Variants in PRSS38 observed in about 807,000 individuals in gnomAD.
PRSS38 encodes marapsin 2.
PRSS38 carries 22 observed loss-of-function variants against 26.8 expected under a neutral mutation model. The observed-to-expected ratio is 0.82, with a 90% confidence interval of 0.59 to 1.17. PRSS38 has a LOEUF of 1.17. Among genes scored for constraint, PRSS38 ranks in the 50% most tolerant of loss-of-function variants. The pLI, the probability that PRSS38 is intolerant of heterozygous loss-of-function variation, is 0.00. For synonymous variants in PRSS38, 175 were observed against 172.1 expected (o/e 1.02, Z -0.13); for missense variants, 427 against 422.7 (o/e 1.01, Z -0.09).
intron 3 of PRSS38, among the ~76,000 whole-genome samples, chr1:227,832,020 G>A (rs1407051508): frequency 6.6e-6 from 1 of 152,152 alleles, no homozygotes; most frequent in Non-Finnish European, 1.5e-5. Context: ...TCTACTTGGT[G>A]TGTTGATTAT....
intron 3 of PRSS38, among the ~76,000 whole-genome samples, chr1:227,828,279 T>C (rs528539022): frequency 3.9e-4 from 60 of 152,322 alleles, no homozygotes; most frequent in South Asian, 1.9e-3. Context: ...GTTAATATTA[T>C]CAGTGGAGTG....
chr1:227,837,245 C>T (rs1325665390), intron 3 of PRSS38, among the ~76,000 whole-genome samples: 1 of 152,196 alleles, frequency 6.6e-6, no homozygotes, highest in African/African-American at 2.4e-5. Context: ...TTCCAGTCTC[C>T]CCAGGTGACA....
intron 3 of PRSS38, 69 bp downstream of exon 3, chr1:227,817,549 T>A (rs1043479298): frequency 6.5e-7 from 1 of 1,542,852 alleles, no homozygotes; most frequent in African/African-American, 1.4e-5. Flanking sequence ...AAGAAAATGC[T>A]CTGCCAGCTA....
intron 2 of PRSS38, 131 bp from the exon 3 acceptor site, chr1:227,817,078 A>G (rs950133372): frequency 1.7e-5 from 16 of 953,276 alleles, no homozygotes; most frequent in Middle Eastern, 3.4e-4. Context: ...GGTCCCTACT[A>G]TGCTGCAGGA....
intron 3 of PRSS38, among the ~76,000 whole-genome samples, chr1:227,834,923 T>A (rs932569626): frequency 6.6e-6 from 1 of 152,112 alleles, no homozygotes; most frequent in Non-Finnish European, 1.5e-5. Flanking sequence ...GAAGAAAATA[T>A]TTTCAAATTA....
intron 3 of PRSS38, among the ~76,000 whole-genome samples, chr1:227,826,525 C>T (rs185845049): frequency 2.6e-4 from 39 of 152,150 alleles, no homozygotes; most frequent in East Asian, 1.4e-3. Flanking sequence ...AGCAGCCTGG[C>T]CCAACACGGT....
At chr1:227,846,330 G>T in exon 5 of PRSS38, 1 of 1,282,498 alleles carries the variant, frequency 7.8e-7, no homozygotes. Context: ...ACCTATCCCG[G>T]GGGTGGATGC....
At chr1:227,841,383 G>A (rs1665335122) in intron 3 of PRSS38, among the ~76,000 whole-genome samples, 1 of 152,258 alleles carries the variant, frequency 6.6e-6, no homozygotes, top group Admixed American at 6.5e-5. Flanking sequence ...TCCAAGGACT[G>A]GTGAAATGTG....
In PRSS38 at chr1:227,816,255, A is replaced by T. The variant is rs1664914122; in HGVS notation, c.311+3A>T. On this transcript the variant is annotated splice_donor_region_variant and intron_variant, in intron 2 of 4. Coordinates refer to ENST00000366757, the Ensembl canonical transcript of PRSS38. The surrounding 1 kb of genome is among the most constrained non-coding windows in gnomAD (Gnocchi z 5.1). ...TCAGCTGCGCACTGCTTTCACAGGT[A>T]AGCGGGCGCCGGCCTGGGATGGTGT... The T allele has an allele frequency of 1.9e-6, 3 of 1,608,856 alleles. No individual in the cohort carries two copies. Among genetic ancestry groups the T allele is most frequent in the Non-Finnish European group, 1.7e-6 (2 of 1,176,008 alleles).
In PRSS38 at chr1:227,836,686, C is replaced by CA. The variant is rs1293513218; in HGVS notation, c.584-8769dup. Among the ~76,000 whole-genome samples the CA allele has an allele frequency of 3.2e-4, 43 of 133,236 alleles. 14 individuals carry two copies. Among genetic ancestry groups the CA allele is most frequent in the Middle Eastern group, 8.1e-3 (2 of 248 alleles). The allele number at this position is 133,236 out of a possible 152,430, so 87.4% of individuals were successfully genotyped here. A position where few individuals can be genotyped will look rare whatever the true frequency, so the allele number is the denominator to read the frequency against. ...TGGGCGACAGAGCGAGACTCCGTCTCAAAAAAAAAAAAAAATAAAATAAAA... is the reference window on the plus strand; with the variant it reads ...TGGGCGACAGAGCGAGACTCCGTCTCAAAAAAAAAAAAAAAATAAAATAAAA... On this transcript the variant is annotated intron_variant, in intron 3 of 4. Transcript: ENST00000366757.
At chr1:227,820,194 T>G (rs962603249) in intron 3 of PRSS38, among the ~76,000 whole-genome samples, 4 of 148,140 alleles carry the variant, frequency 2.7e-5, no homozygotes, top group South Asian at 2.1e-4. Flanking sequence ...AGTAGTTTTG[T>G]TTTTTTTTTA....
intron 3 of PRSS38, among the ~76,000 whole-genome samples, chr1:227,842,209 G>T (rs572938900): frequency 2.6e-4 from 40 of 152,280 alleles, no homozygotes; most frequent in Middle Eastern, 3.4e-3. Context: ...CAGGGCAGGC[G>T]AATAGTGCCT....
chr1:227,818,675 CAAAAAAAA>C (rs71180764), intron 3 of PRSS38, among the ~76,000 whole-genome samples: 74 of 61,066 alleles, frequency 1.2e-3, no homozygotes, highest in African/African-American at 5.0e-3. Flanking sequence ...GACCTTCTCT[CAAAAAAAA>C]AAAAAAAAAA....
rs1664907338 is a variant in PRSS38 at position 227,816,037 on chromosome 1, A to C, written c.149-53A>C. On this transcript the variant is annotated intron_variant, in intron 1 of 4. Coordinates refer to ENST00000366757, the Ensembl canonical transcript of PRSS38. This position sits in a 1 kb window ranked among gnomAD's most constrained non-coding sequence, Gnocchi z 5.1. ...CTCCCCCACGTCCCCTGCCTGCCCTACCTCTCCCGTGGCCCCAGCATGGCT... is the reference window on the plus strand; with the variant it reads ...CTCCCCCACGTCCCCTGCCTGCCCTCCCTCTCCCGTGGCCCCAGCATGGCT... The C allele has an allele frequency of 2.0e-6, 3 of 1,535,706 alleles. No individual in the cohort carries two copies. The highest frequency in any genetic ancestry group is 1.2e-5 in the South Asian group (1 of 82,814).
At chr1:227,831,584 C>T (rs1665154134) in intron 3 of PRSS38, among the ~76,000 whole-genome samples, 1 of 152,142 alleles carries the variant, frequency 6.6e-6, no homozygotes, top group Non-Finnish European at 1.5e-5. Context: ...CTTTTAAAAG[C>T]AGTTATTGGG....
chr1:227,826,380 G>T (rs1665074048), intron 3 of PRSS38, among the ~76,000 whole-genome samples: 1 of 152,086 alleles, frequency 6.6e-6, no homozygotes, highest in Admixed American at 6.6e-5. Context: ...TCTTTCTCTT[G>T]CCTAATTGCC....
chr1:227,818,433 C>A (rs955324699), intron 3 of PRSS38, among the ~76,000 whole-genome samples: 1 of 152,060 alleles, frequency 6.6e-6, no homozygotes, highest in Non-Finnish European at 1.5e-5. Context: ...AATCCCAGCA[C>A]TTTGGGAGGC....
At chr1:227,827,647 T>G (rs1169537975) in intron 3 of PRSS38, among the ~76,000 whole-genome samples, 1 of 125,172 alleles carries the variant, frequency 8.0e-6, no homozygotes, top group African/African-American at 2.6e-5. Context: ...AACCAGCTTC[T>G]GAATTCATTG....
intron 3 of PRSS38, among the ~76,000 whole-genome samples, chr1:227,821,962 C>T (rs1665009214): frequency 6.6e-6 from 1 of 152,242 alleles, no homozygotes; most frequent in East Asian, 1.9e-4. Context: ...TACCATAACA[C>T]ATATGTGGTT....
Sources: gnomAD v4.1 joint callset for allele counts (sites outside exome capture counted in the v4.1 genomes callset) on GRCh38, gnomAD v4.1.1 for gene constraint, Gnocchi (gnomAD v3.1) non-coding constraint, MANE v1.5 for transcripts, NCBI Gene and HGNC (gene_info 2026-07-23, HGNC 2026-07-21) for gene names.